RHOBTB1: variants seen among roughly 807,000 people sequenced by gnomAD.
RHOBTB1 encodes the protein Rho related BTB domain containing 1.
A neutral mutation model predicts 71.6 loss-of-function variants in RHOBTB1; 40 were observed. That is an observed-to-expected ratio of 0.56 (90% CI 0.43 to 0.73). The LOEUF (loss-of-function observed/expected upper bound fraction) is 0.73. Ranked by LOEUF, RHOBTB1 falls within the 30% of genes least tolerant of loss-of-function variation. The pLI is 0.00. For missense variants in RHOBTB1, 797 were observed against 894.0 expected (o/e 0.89, Z 1.38); for synonymous variants, 319 against 334.9 (o/e 0.95, Z 0.52).
At chr10:60,868,948 A>G (rs1327697212), downstream of RHOBTB1, among the ~76,000 whole-genome samples, 1 of 152,206 alleles carries the variant, frequency 6.6e-6, no homozygotes, top group Non-Finnish European at 1.5e-5. Context: ...AAGTCCCTCA[A>G]TGACATCTCA....
At chr10:60,865,926 G>A (rs1438238289), downstream of RHOBTB1, among the ~76,000 whole-genome samples, 1 of 152,092 alleles carries the variant, frequency 6.6e-6, no homozygotes, top group African/African-American at 2.4e-5. Flanking sequence ...CTGCCTCCCG[G>A]GCCCAAGCAA....
intron 2 of RHOBTB1, among the ~76,000 whole-genome samples, chr10:60,927,297 A>T (rs1178854480): frequency 6.6e-6 from 1 of 152,212 alleles, no homozygotes; most frequent in Non-Finnish European, 1.5e-5. Flanking sequence ...CTACAGATTC[A>T]ACTGACTCAA....
chr10:60,966,083 AG>A (rs1335348298), intron 2 of RHOBTB1, among the ~76,000 whole-genome samples: 4 of 152,116 alleles, frequency 2.6e-5, no homozygotes, highest in Admixed American at 6.6e-5. Context: ...TAAAGTTTGA[AG>A]AACAGACTAG....
intron 4 of RHOBTB1, among the ~76,000 whole-genome samples, chr10:60,896,978 AT>A (rs34944534): frequency 0.11 from 16,778 of 151,838 alleles, 988 homozygotes; most frequent in East Asian, 0.17. Flanking sequence ...AAAAAAAAGC[AT>A]TTTTTTTCAG....
At chr10:60,923,996 G>A (rs560035568) in intron 2 of RHOBTB1, among the ~76,000 whole-genome samples, 26 of 152,182 alleles carry the variant, frequency 1.7e-4, no homozygotes, top group Admixed American at 5.2e-4. Flanking sequence ...ACTGAGGAGC[G>A]GAGTGTGATT....
At chr10:60,922,688 A>G (rs1197056559) in intron 2 of RHOBTB1, among the ~76,000 whole-genome samples, 1 of 152,202 alleles carries the variant, frequency 6.6e-6, no homozygotes, top group South Asian at 2.1e-4. Flanking sequence ...AGTGGCTCCA[A>G]TAGGAAACCA....
chr10:60,973,000 C>T (rs574345259), intron 2 of RHOBTB1, among the ~76,000 whole-genome samples: 6 of 151,902 alleles, frequency 3.9e-5, no homozygotes, highest in East Asian at 3.9e-4. Flanking sequence ...ATCCTTAAAC[C>T]GTGACTATAG....
chr10:60,971,789 T>C (rs2086168126), intron 2 of RHOBTB1, among the ~76,000 whole-genome samples: 1 of 152,172 alleles, frequency 6.6e-6, no homozygotes, highest in Non-Finnish European at 1.5e-5. Context: ...TTTTGCAATC[T>C]ATCCATCTGA....
chr10:60,957,378 T>C (rs367585941), intron 2 of RHOBTB1, among the ~76,000 whole-genome samples: 41 of 152,336 alleles, frequency 2.7e-4, no homozygotes, highest in Admixed American at 1.6e-3. Context: ...CAGATGGCTG[T>C]AATGTCACTA....
At chr10:60,889,211 T>C (rs1253786228) in intron 5 of RHOBTB1, 26 bp from the exon 6 acceptor site, 4 of 1,569,180 alleles carry the variant, frequency 2.5e-6, no homozygotes, top group Admixed American at 1.9e-5. Flanking sequence ...TTAAAAATTA[T>C]AATCAGCCTT....
intron 9 of RHOBTB1, among the ~76,000 whole-genome samples, chr10:60,873,813 G>C (rs1402837021): frequency 6.6e-6 from 1 of 152,258 alleles, no homozygotes; most frequent in Non-Finnish European, 1.5e-5. Flanking sequence ...GTTTGTGTCT[G>C]TTTCCCTTAC....
chr10:60,871,647 G>A lies in RHOBTB1; in HGVS notation c.1926C>T (p.Asn642=), dbSNP rs1168308981. 1.2e-6 allele frequency: 2 copies of A among 1,613,562 alleles called. No homozygotes were observed. Among genetic ancestry groups the A allele is most frequent in the Non-Finnish European group, 1.7e-6 (2 of 1,179,838 alleles). The part of the protein sequence containing the change: ...RKEIKSKSAD[N]QEYFERHRWP... ...AGCGGTGCCGCTCGAAGTATTCCTGGTTGTCTGGTGAAGGAAAGATGCAGA... is the reference window on the plus strand; with the variant it reads ...AGCGGTGCCGCTCGAAGTATTCCTGATTGTCTGGTGAAGGAAAGATGCAGA... The change falls in exon 11 of 11, where the codon AAC becomes AAT. Residue 642 remains asparagine, a synonymous_variant. Transcript: ENST00000337910.
At chr10:60,917,741 A>C (rs143923110) in intron 2 of RHOBTB1, among the ~76,000 whole-genome samples, 31 of 152,152 alleles carry the variant, frequency 2.0e-4, no homozygotes, top group African/African-American at 7.2e-4. Flanking sequence ...GGGAGGGGGC[A>C]GACATTCACC....
At chr10:60,953,225 T>A (rs1173803646) in intron 2 of RHOBTB1, among the ~76,000 whole-genome samples, 1 of 152,206 alleles carries the variant, frequency 6.6e-6, no homozygotes, top group Non-Finnish European at 1.5e-5. Flanking sequence ...ACTATTCAAG[T>A]AGAGAATAAA....
Position 60,892,798 on chromosome 10 carries a change from C to A in RHOBTB1, c.482+12G>T. The A allele has an allele frequency of 1.2e-6, 2 of 1,608,548 alleles. No individual in the cohort carries two copies. The highest frequency in any genetic ancestry group is 1.1e-5 in the South Asian group (1 of 89,972). ...TGGTCAGGACAGGGAAACACTGAGT[C>A]CCTTGGCTTACCTTGCTAACGGGCG... On this transcript the variant is annotated intron_variant, in intron 5 of 10. Coordinates refer to ENST00000337910, the MANE Select transcript of RHOBTB1 (RefSeq NM_014836.5).
rs951412279 is a variant in RHOBTB1 at position 60,871,402 on chromosome 10, G to A, written c.*80C>T. On this transcript the variant is annotated 3_prime_UTR_variant, in exon 11 of 11. Transcript: ENST00000337910. Reference sequence around the variant, plus strand: ...AACTATGTCGTATCTCTAACAAGACGAATTTTATAGTAGTGCTTTGAAAAG... The same window carrying A: ...AACTATGTCGTATCTCTAACAAGACAAATTTTATAGTAGTGCTTTGAAAAG... The A allele has an allele frequency of 1.2e-5, 18 of 1,441,524 alleles. No individual in the cohort carries two copies. The South Asian group carries it at 1.5e-4, about 12-fold the overall frequency. The allele number at this position is 1,441,524 out of a possible 1,614,324, so 89.3% of individuals were successfully genotyped here. A position where few individuals can be genotyped will look rare whatever the true frequency, so the allele number is the denominator to read the frequency against.
At position 60,888,669 on chromosome 10, in the gene RHOBTB1, C is replaced by T. The variant is rs1434410105; in HGVS notation, c.999G>A (p.Arg333=). Residue 333 remains arginine (R), a synonymous_variant, in exon 6 of 11, where the codon AGG becomes AGA. Coordinates refer to ENST00000337910, the MANE Select transcript of RHOBTB1 (RefSeq NM_014836.5). ...RILSVDPEEE[R]EEGPPRIPQA... is the part of the protein sequence containing the mutation. ...GAGGAATCCTAGGCGGGCCCTCCTC[C>T]CTTTCTTCCTCTGGGTCGACACTCA... The T allele has an allele frequency of 1.9e-6, 3 of 1,614,232 alleles. No individual in the cohort carries two copies. The South Asian group carries it at 3.3e-5, about 18-fold the overall frequency.
At chr10:60,994,373 T>C (rs1418418088) in intron 1 of RHOBTB1, among the ~76,000 whole-genome samples, 4 of 152,180 alleles carry the variant, frequency 2.6e-5, no homozygotes. Context: ...AGGACTTCTC[T>C]GAGGAGGTGA....
At chr10:60,971,951 C>T (rs1247390916) in intron 2 of RHOBTB1, among the ~76,000 whole-genome samples, 2 of 152,158 alleles carry the variant, frequency 1.3e-5, no homozygotes, top group South Asian at 2.1e-4. Flanking sequence ...CTCATCAACA[C>T]TGGTCATTAG....
Sources: gnomAD v4.1 joint callset for allele counts (sites outside exome capture counted in the v4.1 genomes callset) on GRCh38, gnomAD v4.1.1 for gene constraint, MANE v1.5 for transcripts, NCBI Gene and HGNC (gene_info 2026-07-23, HGNC 2026-07-21) for gene names.